STXBP4: variants seen among roughly 807,000 people sequenced by gnomAD.
STXBP4 encodes syntaxin binding protein 4, also known as syntaxin-binding protein 4.
Under a neutral mutation model 76.1 loss-of-function variants are expected in STXBP4, and 55 were observed. That is an observed-to-expected ratio of 0.72 (90% CI 0.58 to 0.91). The LOEUF is 0.91. Among genes scored for constraint, STXBP4 ranks in the 40% least tolerant of loss-of-function variants. The pLI, the probability that STXBP4 is intolerant of heterozygous loss-of-function variation, is 0.00. For missense variants in STXBP4, 618 were observed against 636.9 expected (o/e 0.97, Z 0.32); for synonymous variants, 201 against 220.2 (o/e 0.91, Z 0.77).
chr17:55,166,838 T>A lies in STXBP4; in HGVS notation c.*6927T>A, dbSNP rs1336387324. 3.9e-5 allele frequency: 6 copies of A among 152,214 alleles called. No individual in the cohort carries two copies. The highest frequency in any genetic ancestry group is 8.8e-5 in the Non-Finnish European group (6 of 68,074). 9.4% of individuals were successfully genotyped at this position (152,214 alleles called of 1,614,324 possible). On this transcript the variant is annotated 3_prime_UTR_variant, in exon 18 of 18. Transcript: ENST00000376352. ...TTATCTACTGAGCTGGGTTACTGAGTCTTAGAGGCTTGAAATCTGGTTCTA... is the reference window on the plus strand; with the variant it reads ...TTATCTACTGAGCTGGGTTACTGAGACTTAGAGGCTTGAAATCTGGTTCTA...
intron 1 of STXBP4, among the ~76,000 whole-genome samples, chr17:54,978,742 C>T (rs1227106023): frequency 6.6e-6 from 1 of 151,380 alleles, no homozygotes; most frequent in Non-Finnish European, 1.5e-5. Context: ...GTAAGCCATT[C>T]AAAAAATAAA....
intron 16 of STXBP4, among the ~76,000 whole-genome samples, chr17:55,135,813 T>C (rs1171579921): frequency 6.6e-6 from 1 of 152,114 alleles, no homozygotes; most frequent in Non-Finnish European, 1.5e-5. Flanking sequence ...AATGCACAAA[T>C]TGAGACGTTG....
At chr17:54,978,805 A>C (rs2077507693) in intron 1 of STXBP4, among the ~76,000 whole-genome samples, 1 of 152,200 alleles carries the variant, frequency 6.6e-6, no homozygotes, top group African/African-American at 2.4e-5. Context: ...TAGTAGTTCC[A>C]AGTGTCAGTT....
At chr17:55,009,058 T>C (rs959946314) in intron 8 of STXBP4, among the ~76,000 whole-genome samples, 1 of 152,226 alleles carries the variant, frequency 6.6e-6, no homozygotes, top group African/African-American at 2.4e-5. Context: ...TATCTTGTTT[T>C]ATCAATGAAA....
the STXBP4 span, among the ~76,000 whole-genome samples, chr17:55,181,134 C>G: frequency 1.3e-5 from 2 of 152,186 alleles, no homozygotes; most frequent in Non-Finnish European, 2.9e-5. Flanking sequence ...TTCTCAGCTC[C>G]TTCATCTGAT....
intron 16 of STXBP4, among the ~76,000 whole-genome samples, chr17:55,103,819 G>A (rs1268553568): frequency 1.3e-5 from 2 of 152,084 alleles, no homozygotes; most frequent in African/African-American, 4.8e-5. Context: ...GCAGTTTGTA[G>A]TTTTCCTTGA....
intron 17 of STXBP4, among the ~76,000 whole-genome samples, chr17:55,155,629 A>G (rs80352697): frequency 0.019 from 2,952 of 152,140 alleles, 78 homozygotes; most frequent in East Asian, 0.15. Context: ...AAATAGTGCC[A>G]TCTATGATGG....
At chr17:55,155,155 C>T (rs1330271557) in intron 17 of STXBP4, among the ~76,000 whole-genome samples, 2 of 152,066 alleles carry the variant, frequency 1.3e-5, no homozygotes, top group Admixed American at 1.3e-4. Flanking sequence ...AACAAAATGC[C>T]TGCAATTTTC....
intron 12 of STXBP4, among the ~76,000 whole-genome samples, chr17:55,069,359 G>A (rs991126380): frequency 1.3e-5 from 2 of 152,042 alleles, no homozygotes; most frequent in African/African-American, 2.4e-5. Flanking sequence ...TCAGTAAATG[G>A]ACGACAGCAT....
At chr17:55,036,905 A>G (rs958851703) in intron 10 of STXBP4, among the ~76,000 whole-genome samples, 1 of 152,130 alleles carries the variant, frequency 6.6e-6, no homozygotes, top group African/African-American at 2.4e-5. Flanking sequence ...AACACAGAGT[A>G]TATAAATATA....
At chr17:55,078,337 T>G in intron 14 of STXBP4, 143 bp downstream of exon 14, 1 of 600,056 alleles carries the variant, frequency 1.7e-6, no homozygotes. Context: ...GATTTAGAAC[T>G]GCATACATGA....
chr17:55,090,855 CTGTGTGTGTG>C (rs57750914), intron 16 of STXBP4, among the ~76,000 whole-genome samples: 14,647 of 147,264 alleles, frequency 0.099, 782 homozygotes, highest in African/African-American at 0.12. Context: ...GTGTGTGTGT[CTGTGTGTGTG>C]TGTGTGTGTG....
At chr17:55,102,610 A>G (rs2079580748) in intron 16 of STXBP4, among the ~76,000 whole-genome samples, 1 of 152,210 alleles carries the variant, frequency 6.6e-6, no homozygotes, top group Admixed American at 6.5e-5. Context: ...TCTTTATAGT[A>G]GAATGATTTA....
At position 54,975,292 on chromosome 17, in the gene STXBP4, C is replaced by G. The variant is rs114243949; in HGVS notation, c.-157+6477C>G. 5.6e-3 allele frequency among the ~76,000 whole-genome samples: 859 copies of G among 152,264 alleles called. 8 individuals carry two copies. The highest frequency in any genetic ancestry group is 0.02 in the African/African-American group (822 of 41,550). ...TAGTAGCTGGGATTACAGGCGCATA[C>G]CACCATGCCCTGCTAAAAATTCTTA... On this transcript the variant is annotated intron_variant, in intron 1 of 17. Transcript: ENST00000376352.
the STXBP4 span, among the ~76,000 whole-genome samples, chr17:55,188,533 A>G: frequency 2.0e-5 from 3 of 152,182 alleles, no homozygotes; most frequent in African/African-American, 7.2e-5. Flanking sequence ...AGAGCACCTT[A>G]TGGAATAGTA....
chr17:55,007,764 T>C (rs1316131002), intron 8 of STXBP4, among the ~76,000 whole-genome samples, 167 bp downstream of exon 8: 4 of 152,216 alleles, frequency 2.6e-5, no homozygotes, highest in Admixed American at 2.6e-4. Context: ...ACATTTGAAT[T>C]TGGTAGTTCA....
chr17:55,031,319 G>T, intron 9 of STXBP4, 55 bp downstream of exon 9: 1 of 1,339,780 alleles, frequency 7.5e-7, no homozygotes, highest in Non-Finnish European at 1.1e-6. Flanking sequence ...CAAGAGTTAT[G>T]GTGACACATT....
intron 16 of STXBP4, among the ~76,000 whole-genome samples, chr17:55,119,323 T>G (rs1420266265): frequency 6.6e-6 from 1 of 152,130 alleles, no homozygotes; most frequent in East Asian, 1.9e-4. Flanking sequence ...CTACAAAAAC[T>G]AAGTAGAATG....
chr17:55,206,917 C>G, the STXBP4 span, among the ~76,000 whole-genome samples: 2,445 of 151,350 alleles, frequency 0.016, 60 homozygotes, highest in African/African-American at 0.056. Context: ...CTTACTCAGC[C>G]AGTGCTGGCT....
Sources: gnomAD v4.1 joint callset for allele counts (sites outside exome capture counted in the v4.1 genomes callset) on GRCh38, gnomAD v4.1.1 for gene constraint, MANE v1.5 for transcripts, NCBI Gene and HGNC (gene_info 2026-07-23, HGNC 2026-07-21) for gene names.